ASIC2: variants seen among roughly 807,000 people sequenced by gnomAD.
ASIC2 encodes the protein acid sensing ion channel subunit 2, also known as acid-sensing ion channel 2.
A neutral mutation model predicts 57.3 loss-of-function variants in ASIC2; 25 were observed. That is an observed-to-expected ratio of 0.44 (90% CI 0.32 to 0.61). The LOEUF is 0.61. Ranked by LOEUF, ASIC2 falls within the 20% of genes least tolerant of loss-of-function variation. The probability of loss-of-function intolerance (pLI) is 0.06; values close to 1 mark genes in which losing one functional copy is unlikely to be tolerated. For missense variants in ASIC2, 641 were observed against 738.1 expected, an observed-to-expected ratio of 0.87 and a Z score of 1.52; for synonymous variants, 319 against 307.5, an observed-to-expected ratio of 1.04 and a Z score of -0.39.
intron 1 of ASIC2, among the ~76,000 whole-genome samples, chr17:33,483,252 CA>C (rs1388669725): frequency 1.3e-5 from 2 of 152,188 alleles, no homozygotes; most frequent in Non-Finnish European, 2.9e-5. Flanking sequence ...CCATCAAGCC[CA>C]ACATCTGCTT....
At chr17:34,040,332 A>C (rs1414992599) in intron 1 of ASIC2, among the ~76,000 whole-genome samples, 3 of 144,146 alleles carry the variant, frequency 2.1e-5, no homozygotes, top group Admixed American at 2.1e-4. Flanking sequence ...CCGGATTAGT[A>C]GTGATCGGTG....
intron 1 of ASIC2, among the ~76,000 whole-genome samples, chr17:33,563,221 G>A (rs919984): frequency 6.6e-6 from 1 of 152,100 alleles, no homozygotes; most frequent in East Asian, 1.9e-4. Context: ...GTTAGCACAG[G>A]ACAAGAAGGG....
chr17:33,612,936 A>G (rs983985305), intron 1 of ASIC2, among the ~76,000 whole-genome samples: 3 of 152,136 alleles, frequency 2.0e-5, no homozygotes, highest in Non-Finnish European at 4.4e-5. Context: ...ATTTGGACTC[A>G]CTCATTGATT....
intron 1 of ASIC2, among the ~76,000 whole-genome samples, chr17:33,972,053 A>T (rs1403184647): frequency 6.6e-6 from 1 of 152,194 alleles, no homozygotes; most frequent in East Asian, 1.9e-4. Flanking sequence ...TGGTATCACC[A>T]CCTCCTCCTT....
intron 1 of ASIC2, among the ~76,000 whole-genome samples, chr17:33,771,680 G>A (rs1291408828): frequency 6.6e-6 from 1 of 152,022 alleles, no homozygotes; most frequent in East Asian, 1.9e-4. Context: ...GGGAGCTGTT[G>A]GTCAGATCAG....
chr17:33,343,107 T>C (rs1355125187), intron 1 of ASIC2, among the ~76,000 whole-genome samples: 1 of 152,164 alleles, frequency 6.6e-6, no homozygotes, highest in Non-Finnish European at 1.5e-5. Flanking sequence ...TTCCAAATTG[T>C]AGCAGGAGAG....
intron 1 of ASIC2, among the ~76,000 whole-genome samples, chr17:33,919,182 T>A (rs183255314): frequency 2.6e-5 from 4 of 152,142 alleles, no homozygotes; most frequent in Non-Finnish European, 5.9e-5. Flanking sequence ...CTTCCAGGGT[T>A]ACAAACAAGG....
intron 1 of ASIC2, among the ~76,000 whole-genome samples, chr17:33,186,709 T>C (rs1228156097): frequency 6.6e-6 from 1 of 152,174 alleles, no homozygotes. Flanking sequence ...CCATCGGAAG[T>C]TGATCATCAA....
At chr17:33,659,362 A>T (rs530870575) in intron 1 of ASIC2, among the ~76,000 whole-genome samples, 1 of 152,300 alleles carries the variant, frequency 6.6e-6, no homozygotes, top group Non-Finnish European at 1.5e-5. Context: ...AGGCGACTTT[A>T]TCATTGTGCA....
At chr17:33,655,330 T>C (rs1907045740) in intron 1 of ASIC2, among the ~76,000 whole-genome samples, 1 of 152,206 alleles carries the variant, frequency 6.6e-6, no homozygotes, top group Non-Finnish European at 1.5e-5. Flanking sequence ...TCTCCTCCAG[T>C]TTTCCCCACC....
At chr17:33,580,327 T>A (rs1255695518) in intron 1 of ASIC2, 1 of 152,224 alleles carries the variant, frequency 6.6e-6, no homozygotes, top group Non-Finnish European at 1.5e-5. Flanking sequence ...TATAGAGTTC[T>A]ATGAGAGCAG....
chr17:33,312,445 C>T lies in ASIC2; in HGVS notation c.556-200378G>A, dbSNP rs537003064. On this transcript the variant is annotated intron_variant, in intron 1 of 9. Transcript: ENST00000359872. The stretch of plus-strand genomic sequence containing the variant: ...TTCTCTCAAAGCACAGTAGAGAAAG[C>T]ATCGTGGAACCCACCCTTAGAGCCA... 1.9e-3 allele frequency among the ~76,000 whole-genome samples: 285 copies of T among 152,290 alleles called. 1 individual carries two copies. The highest frequency in any genetic ancestry group is 6.7e-3 in the African/African-American group (277 of 41,552).
intron 1 of ASIC2, among the ~76,000 whole-genome samples, chr17:33,140,351 C>T (rs976080046): frequency 6.6e-6 from 1 of 152,190 alleles, no homozygotes; most frequent in South Asian, 2.1e-4. Context: ...ATCGGAGAAG[C>T]AACATGGTGT....
At chr17:34,049,422 C>T (rs992827231) in intron 1 of ASIC2, among the ~76,000 whole-genome samples, 1 of 152,160 alleles carries the variant, frequency 6.6e-6, no homozygotes, top group African/African-American at 2.4e-5. Context: ...TGTCTTGTCC[C>T]GTTCCAGGAA....
At chr17:33,073,770 T>C (rs1307165236) in intron 3 of ASIC2, among the ~76,000 whole-genome samples, 1 of 152,126 alleles carries the variant, frequency 6.6e-6, no homozygotes, top group Non-Finnish European at 1.5e-5. Flanking sequence ...ATGGACAAAC[T>C]GGGCTAGAGA....
chr17:33,773,605 T>C (rs1402152087), intron 1 of ASIC2, among the ~76,000 whole-genome samples: 1 of 151,912 alleles, frequency 6.6e-6, no homozygotes, highest in Non-Finnish European at 1.5e-5. Flanking sequence ...TTCACCAAGA[T>C]GCACTGAATG....
chr17:33,916,294 G>C (rs970984130), intron 1 of ASIC2, among the ~76,000 whole-genome samples: 2 of 152,114 alleles, frequency 1.3e-5, no homozygotes, highest in South Asian at 2.1e-4. Context: ...CTTTGCTGTT[G>C]GATTTAAACC....
chr17:33,984,614 C>T (rs1483737915), intron 1 of ASIC2, among the ~76,000 whole-genome samples: 3 of 152,178 alleles, frequency 2.0e-5, no homozygotes, highest in Admixed American at 2.0e-4. Context: ...ATCCCCTTCA[C>T]AATTGGGGGA....
chr17:33,020,684 G>A (rs1053718301), intron 7 of ASIC2, among the ~76,000 whole-genome samples: 2 of 152,112 alleles, frequency 1.3e-5, no homozygotes, highest in Admixed American at 1.3e-4. Flanking sequence ...GGGGAGAGTG[G>A]CCCTTCATTT....
Sources: gnomAD v4.1 joint callset for allele counts (sites outside exome capture counted in the v4.1 genomes callset) on GRCh38, gnomAD v4.1.1 for gene constraint, MANE v1.5 for transcripts, NCBI Gene and HGNC (gene_info 2026-07-23, HGNC 2026-07-21) for gene names.